Variants in CHRNB4 observed in about 807,000 individuals in gnomAD.
CHRNB4 encodes neuronal acetylcholine receptor subunit beta-4.
Under a neutral mutation model 40.4 loss-of-function variants are expected in CHRNB4, and 23 were observed. The ratio of observed to expected loss-of-function variants is 0.57; its 90% confidence interval spans 0.41 to 0.81. The LOEUF (loss-of-function observed/expected upper bound fraction) is 0.81, where lower values mean the gene tolerates loss of function less well. Among genes scored for constraint, CHRNB4 ranks in the 30% least tolerant of loss-of-function variants. The probability of loss-of-function intolerance (pLI) is 0.00; values close to 1 mark genes in which losing one functional copy is unlikely to be tolerated. For synonymous variants in CHRNB4, 285 were observed against 274.4 expected (o/e 1.04, Z -0.38); for missense variants, 568 against 670.6 (o/e 0.85, Z 1.69).
At chr15:78,655,412 A>ATATATCTATATATC (rs1164025564) in intron 5 of CHRNB4, 1 of 148,570 alleles carries the variant, frequency 6.7e-6, no homozygotes, top group Admixed American at 6.8e-5. Context: ...ACATATCTAT[A>ATATATCTATATATC]TATATCTATA....
At chr15:78,661,156 T>C (rs2054249909), upstream of CHRNB4, 2 of 622,728 alleles carry the variant, frequency 3.2e-6, no homozygotes, top group African/African-American at 1.8e-5. Context: ...CTTGCCGAAA[T>C]GCCGGTACAC....
At chr15:78,630,671 A>T (rs2053785781) in intron 4 of CHRNB4, among the ~76,000 whole-genome samples, 1 of 152,202 alleles carries the variant, frequency 6.6e-6, no homozygotes, top group African/African-American at 2.4e-5. Flanking sequence ...TGCTGGTGTA[A>T]TCACGACTCA....
intron 1 of CHRNB4, among the ~76,000 whole-genome samples, chr15:78,659,380 G>T (rs1307167698): frequency 6.6e-6 from 1 of 152,062 alleles, no homozygotes; most frequent in Non-Finnish European, 1.5e-5. Flanking sequence ...GTGAGCTGAG[G>T]TCACGCCACT....
upstream of CHRNB4, chr15:78,661,130 G>T: frequency 1.6e-6 from 1 of 621,530 alleles, no homozygotes. Context: ...GTGTGGCTGT[G>T]CGGCGTTCCT....
At chr15:78,628,797 G>A (rs1053875348) in intron 5 of CHRNB4, among the ~76,000 whole-genome samples, 170 bp downstream of exon 5, 4 of 152,100 alleles carry the variant, frequency 2.6e-5, no homozygotes, top group Non-Finnish European at 4.4e-5. Flanking sequence ...TCCTCTCCCC[G>A]GATGCATGAA....
intron 2 of CHRNB4, among the ~76,000 whole-genome samples, chr15:78,631,663 C>G (rs2053814544): frequency 6.6e-6 from 1 of 152,212 alleles, no homozygotes; most frequent in African/African-American, 2.4e-5. Context: ...TCTAAAGCAA[C>G]TCATATTTGT....
intron 2 of CHRNB4, among the ~76,000 whole-genome samples, chr15:78,632,462 C>T (rs1211187764): frequency 6.6e-6 from 1 of 151,988 alleles, no homozygotes; most frequent in African/African-American, 2.4e-5. Context: ...CACAGGCCAC[C>T]ATACCTGGCT....
chr15:78,646,543 G>A (rs1022744152), intron 7 of CHRNB4, among the ~76,000 whole-genome samples: 3 of 152,224 alleles, frequency 2.0e-5, no homozygotes, highest in African/African-American at 7.2e-5. Flanking sequence ...CTAGAGGCTA[G>A]ATGTCCAAGA....
chr15:78,629,580 G>C lies in CHRNB4; in HGVS notation c.725C>G (p.Pro242Arg). 2 of 1,614,110 alleles carry C rather than the reference G, an allele frequency of 1.2e-6. No homozygotes were observed. Among genetic ancestry groups the C allele is most frequent in the Non-Finnish European group, 1.7e-6 (2 of 1,180,018 alleles). ...GGCCAGCAAGGTGGTGAGCACGCAG[G>C]GGATGATGAGGTTGATGGTGTAGAA... ...PLFYTINLII[P>R]CVLTTLLAIL... is the part of the protein sequence containing the mutation. The change falls in exon 5 of 6, where the codon CCC (proline) becomes CGC (arginine). Residue 242 changes from proline (P) to arginine (R), a missense_variant. This residue lies in a region of CHRNB4 where 38 missense variants were observed against 80.3 expected (regional missense o/e 0.47). Coordinates refer to ENST00000261751, the MANE Select transcript of CHRNB4 (RefSeq NM_000750.5). The surrounding 1 kb of genome is among the most constrained non-coding windows in gnomAD (Gnocchi z 6.8).
chr15:78,644,446 C>T (rs2054107225), upstream of CHRNB4, among the ~76,000 whole-genome samples: 1 of 151,776 alleles, frequency 6.6e-6, no homozygotes. Flanking sequence ...GCATTTGTCC[C>T]CTCCAGAGGA....
intron 4 of CHRNB4, chr15:78,655,721 T>C (rs1462311696): frequency 6.6e-6 from 1 of 152,078 alleles, no homozygotes; most frequent in African/African-American, 2.4e-5. Context: ...TCCATTTTCA[T>C]ATGCATTTTA....
intron 7 of CHRNB4, among the ~76,000 whole-genome samples, chr15:78,647,622 A>G (rs79045860): frequency 0.1 from 15,416 of 149,086 alleles, 1,067 homozygotes; most frequent in Non-Finnish European, 0.15. Flanking sequence ...CAAGGCGGGC[A>G]GATCACAAGG....
intron 4 of CHRNB4, 28 bp downstream of exon 4, chr15:78,631,048 C>T: frequency 6.3e-7 from 1 of 1,589,804 alleles, no homozygotes; most frequent in Non-Finnish European, 8.6e-7. Flanking sequence ...CTGGCTGTCA[C>T]CAGGCCTCCA....
In CHRNB4 at chr15:78,635,319, C is replaced by T. The variant is rs188472695; in HGVS notation, c.204+120G>A. 2.1e-4 allele frequency: 261 copies of T among 1,236,054 alleles called. 1 individual carries two copies. The African/African-American group carries it at 2.9e-3, about 14-fold the overall frequency. The allele number at this position is 1,236,054 out of a possible 1,614,324, so 76.6% of individuals were successfully genotyped here. A position where few individuals can be genotyped will look rare whatever the true frequency, so the allele number is the denominator to read the frequency against. ...GGACCCTTCTGCAGCCTCCCTGACA[C>T]GTACTGGTAAGTCTAAGTCAACTAT... On this transcript the variant is annotated intron_variant, in intron 2 of 5. Coordinates refer to ENST00000261751, the MANE Select transcript of CHRNB4 (RefSeq NM_000750.5).
intron 2 of CHRNB4, among the ~76,000 whole-genome samples, chr15:78,632,761 T>C (rs1249497865): frequency 1.3e-5 from 2 of 152,174 alleles, no homozygotes; most frequent in African/African-American, 4.8e-5. Context: ...TAAATATTTT[T>C]TGAATATACA....
upstream of CHRNB4, chr15:78,661,529 C>G (rs1596128435): frequency 1.8e-6 from 1 of 541,394 alleles, no homozygotes; most frequent in East Asian, 4.7e-5. Context: ...TGACCAACAG[C>G]CTCAGGTAGA....
exon 2 of CHRNB4, chr15:78,658,324 C>T (rs938476275): frequency 2.6e-5 from 4 of 152,208 alleles, no homozygotes; most frequent in African/African-American, 9.7e-5. Flanking sequence ...AGCCACCACG[C>T]CTAGCCTCTT....
intron 4 of CHRNB4, among the ~76,000 whole-genome samples, chr15:78,630,737 A>G (rs931469120): frequency 3.3e-5 from 5 of 152,234 alleles, no homozygotes; most frequent in Non-Finnish European, 1.5e-5. Context: ...ACAGTAAGTC[A>G]GTGGTACCAA....
chr15:78,660,735 C>A, upstream of CHRNB4: 1 of 198,158 alleles, frequency 5.0e-6, no homozygotes, highest in Non-Finnish European at 1.0e-5. Context: ...CTGAGAGAAG[C>A]TTTGGTTCTT....
Sources: gnomAD v4.1 joint callset for allele counts (sites outside exome capture counted in the v4.1 genomes callset) on GRCh38, gnomAD v4.1.1 for gene constraint, gnomAD v4.1.1 regional missense constraint, Gnocchi (gnomAD v3.1) non-coding constraint, MANE v1.5 for transcripts, NCBI Gene and HGNC (gene_info 2026-07-23, HGNC 2026-07-21) for gene names.